The following MOK variants were observed in gnomAD, a reference collection of about 807,000 sequenced individuals.
The protein encoded by MOK is MOK protein kinase, also known as MAPK/MAK/MRK overlapping kinase.
MOK carries 59 observed loss-of-function variants against 54.2 expected under a neutral mutation model. That is an observed-to-expected ratio of 1.09 (90% CI 0.88 to 1.35). The LOEUF is 1.35. Among genes scored for constraint, MOK ranks in the 40% most tolerant of loss-of-function variants. The pLI, the probability that MOK is intolerant of heterozygous loss-of-function variation, is 0.00. For missense variants in MOK, 517 were observed against 526.2 expected (o/e 0.98, Z 0.17); for synonymous variants, 210 against 202.7 (o/e 1.04, Z -0.31).
At chr14:102,248,235 G>A (rs376462850) in intron 7 of MOK, among the ~76,000 whole-genome samples, 1 of 152,058 alleles carries the variant, frequency 6.6e-6, no homozygotes, top group Non-Finnish European at 1.5e-5. Flanking sequence ...TTCTCCGTGC[G>A]GTTCACCCTT....
Position 102,232,475 on chromosome 14 carries a change from C to T in MOK, c.866+60G>A. 6.4e-7 allele frequency: 1 copy of T among 1,552,876 alleles called. No individual in the cohort carries two copies. Among genetic ancestry groups the T allele is most frequent in the Non-Finnish European group, 8.8e-7 (1 of 1,140,936 alleles). The stretch of plus-strand genomic sequence containing the variant: ...GGGCAGTACCTTGCCCCACCATGTG[C>T]CCATGGGTCTCATTTGCCAGGTCCT... On this transcript the variant is annotated intron_variant, in intron 9 of 11. Coordinates refer to ENST00000361847, the MANE Select transcript of MOK (RefSeq NM_014226.3). The surrounding 1 kb of genome is among the most constrained non-coding windows in gnomAD (Gnocchi z 5.1).
the MOK span, among the ~76,000 whole-genome samples, chr14:102,219,262 G>A: frequency 6.6e-6 from 1 of 152,206 alleles, no homozygotes; most frequent in Non-Finnish European, 1.5e-5. Context: ...TTTTCCTCCT[G>A]TTGCCTCCAG....
chr14:102,257,453 T>G lies in MOK; in HGVS notation c.284-5458A>C, dbSNP rs557099051. On this transcript the variant is annotated intron_variant, in intron 4 of 11. Coordinates refer to ENST00000361847, the MANE Select transcript of MOK (RefSeq NM_014226.3). The stretch of plus-strand genomic sequence containing the variant: ...CTGCTTCTTCAGTCCTCCCAACAAT[T>G]CTGGCAATCTATCCATATCACAGAG... 2.6e-5 allele frequency among the ~76,000 whole-genome samples: 4 copies of G among 152,246 alleles called. No homozygotes were observed. The South Asian group carries it at 8.3e-4, about 32-fold the overall frequency.
intron 1 of MOK, among the ~76,000 whole-genome samples, chr14:102,301,999 A>T (rs1597667652): frequency 6.6e-6 from 1 of 152,010 alleles, no homozygotes; most frequent in South Asian, 2.1e-4. Flanking sequence ...TGATCAGCCA[A>T]CCTCGGCGTC....
downstream of MOK, chr14:102,226,349 G>T (rs1198047871): frequency 1.4e-6 from 1 of 703,210 alleles, no homozygotes; most frequent in Non-Finnish European, 2.6e-6. The surrounding 1 kb of genome is among the most constrained non-coding windows in gnomAD (Gnocchi z 4.8). Context: ...GTTGAGGGAT[G>T]AACGTGTTTG....
At chr14:102,215,774 C>T in the MOK span, among the ~76,000 whole-genome samples, 1 of 152,200 alleles carries the variant, frequency 6.6e-6, no homozygotes, top group Non-Finnish European at 1.5e-5. Context: ...GTGCAGAGCG[C>T]TTCCTACACA....
At chr14:102,296,161 G>A (rs377245689) in intron 1 of MOK, among the ~76,000 whole-genome samples, 2 of 150,440 alleles carry the variant, frequency 1.3e-5, no homozygotes, top group African/African-American at 2.5e-5. Context: ...CAGGAGAATC[G>A]CTTGAACCCA....
intron 7 of MOK, among the ~76,000 whole-genome samples, chr14:102,237,853 C>T (rs2065360191): frequency 6.6e-6 from 1 of 152,234 alleles, no homozygotes; most frequent in Non-Finnish European, 1.5e-5. Flanking sequence ...AAGCAGGAAA[C>T]TAACATTGAG....
chr14:102,219,580 C>T (rs2153061903), downstream of MOK, among the ~76,000 whole-genome samples: 1 of 152,316 alleles, frequency 6.6e-6, no homozygotes, highest in South Asian at 2.1e-4. Flanking sequence ...GTTAACTCCT[C>T]TTAGAGACCA....
intron 7 of MOK, among the ~76,000 whole-genome samples, chr14:102,250,180 C>G (rs1049395331): frequency 2.0e-5 from 3 of 152,142 alleles, no homozygotes; most frequent in Non-Finnish European, 4.4e-5. Context: ...AGACTTTGAC[C>G]CCTCAGATGC....
At chr14:102,239,949 A>G (rs2153096294) in intron 7 of MOK, among the ~76,000 whole-genome samples, 1 of 152,304 alleles carries the variant, frequency 6.6e-6, no homozygotes, top group Non-Finnish European at 1.5e-5. Flanking sequence ...TTTCCAGGTC[A>G]TCCTTACTGT....
At chr14:102,280,099 C>T (rs2069259050) in intron 2 of MOK, among the ~76,000 whole-genome samples, 1 of 151,754 alleles carries the variant, frequency 6.6e-6, no homozygotes, top group South Asian at 2.1e-4. Context: ...TGCGTGTGTG[C>T]GGTTACCTAA....
chr14:102,227,973 G>T (rs2064322539), downstream of MOK, among the ~76,000 whole-genome samples: 1 of 152,164 alleles, frequency 6.6e-6, no homozygotes. Context: ...TTGGGAAGAT[G>T]ACAAAAAAGA....
downstream of MOK, among the ~76,000 whole-genome samples, chr14:102,220,640 A>ACC (rs2063774072): frequency 4.0e-5 from 6 of 150,950 alleles, no homozygotes; most frequent in African/African-American, 1.5e-4. The surrounding 1 kb of genome is among the most constrained non-coding windows in gnomAD (Gnocchi z 4.2). Context: ...GAATCACTTG[A>ACC]ACCCAGGAGG....
downstream of MOK, among the ~76,000 whole-genome samples, chr14:102,224,082 T>C (rs199585081): frequency 0.011 from 1,595 of 148,960 alleles, 31 homozygotes; most frequent in African/African-American, 0.036. Context: ...CCCTCTGTTG[T>C]CCAGGCTGGA....
rs2153094365 is a variant in MOK at position 102,238,946 on chromosome 14, A to G, written c.591-5157T>C. ...AGACTGGCAAATAGACTTCACCCAC[A>G]TGCCTCCCGTCAAAAACACAAGACT... On this transcript the variant is annotated intron_variant, in intron 7 of 11. Transcript: ENST00000361847. The surrounding 1 kb of genome is among the most constrained non-coding windows in gnomAD (Gnocchi z 4.8). Among the ~76,000 whole-genome samples, 1 of 152,188 alleles carries G rather than the reference A, an allele frequency of 6.6e-6. No individual in the cohort carries two copies. The highest frequency in any genetic ancestry group is 1.5e-5 in the Non-Finnish European group (1 of 68,010).
Position 102,229,337 on chromosome 14 carries a change from G to C in MOK, c.1212C>G (p.Ala404=). Residue 404 remains alanine (A), a synonymous_variant, in exon 12 of 12, where the codon GCC becomes GCG. Transcript: ENST00000361847. Reference sequence around the variant, plus strand: ...TGGTGGGCAGGCGACACTGCTGCGGGGCAGGCTTAAGGTCCTTCTGCGGAT... The same window carrying C: ...TGGTGGGCAGGCGACACTGCTGCGGCGCAGGCTTAAGGTCCTTCTGCGGAT... The part of the protein sequence containing the change: ...KTDPQKDLKP[A]PQQCRLPTIV... 1 of 1,614,060 alleles carries C rather than the reference G, an allele frequency of 6.2e-7. No individual in the cohort carries two copies. The highest frequency in any genetic ancestry group is 8.5e-7 in the Non-Finnish European group (1 of 1,179,956).
intron 1 of MOK, among the ~76,000 whole-genome samples, chr14:102,295,885 T>C (rs569607470): frequency 1.3e-5 from 2 of 152,230 alleles, no homozygotes; most frequent in Non-Finnish European, 2.9e-5. Context: ...TCTGTAATCC[T>C]AACACTTTGG....
At chr14:102,248,461 A>C (rs780393446) in intron 7 of MOK, among the ~76,000 whole-genome samples, 17 of 152,048 alleles carry the variant, frequency 1.1e-4, no homozygotes, top group Non-Finnish European at 2.1e-4. Context: ...TCACAAGGTG[A>C]TATGTGGCAA....
Sources: gnomAD v4.1 joint callset for allele counts (sites outside exome capture counted in the v4.1 genomes callset) on GRCh38, gnomAD v4.1.1 for gene constraint, Gnocchi (gnomAD v3.1) non-coding constraint, MANE v1.5 for transcripts, NCBI Gene and HGNC (gene_info 2026-07-23, HGNC 2026-07-21) for gene names.